ESRRG: variants seen among roughly 807,000 people sequenced by gnomAD.
The protein encoded by ESRRG is estrogen related receptor gamma.
ESRRG carries 13 observed loss-of-function variants against 44.0 expected under a neutral mutation model. The observed-to-expected ratio is 0.30, with a 90% CI of 0.19 to 0.47. The LOEUF (loss-of-function observed/expected upper bound fraction) is 0.47. Among genes scored for constraint, ESRRG ranks in the 20% least tolerant of loss-of-function variants. The pLI, the probability that ESRRG is intolerant of heterozygous loss-of-function variation, is 1.00. For synonymous variants in ESRRG, 215 were observed against 214.6 expected (o/e 1.00, Z -0.02); for missense variants, 395 against 580.6 (o/e 0.68, Z 3.29).
intron 1 of ESRRG, among the ~76,000 whole-genome samples, chr1:217,020,327 T>G (rs1217676772): frequency 2.6e-5 from 4 of 152,212 alleles, no homozygotes; most frequent in Admixed American, 1.3e-4. Flanking sequence ...TACTCACTTG[T>G]CCATCAGACA....
At chr1:216,536,237 C>T (rs963766374) in intron 5 of ESRRG, among the ~76,000 whole-genome samples, 4 of 152,110 alleles carry the variant, frequency 2.6e-5, no homozygotes, top group Admixed American at 2.6e-4. Context: ...ACCCCCTTCT[C>T]CCCAAAGAGC....
At chr1:216,830,071 C>T (rs2095462624) in intron 2 of ESRRG, among the ~76,000 whole-genome samples, 1 of 152,146 alleles carries the variant, frequency 6.6e-6, no homozygotes, top group Non-Finnish European at 1.5e-5. Context: ...TATTAACATC[C>T]TCTCCCTGCT....
intron 2 of ESRRG, among the ~76,000 whole-genome samples, chr1:216,914,434 A>T (rs1166562302): frequency 6.6e-6 from 1 of 152,202 alleles, no homozygotes; most frequent in Non-Finnish European, 1.5e-5. Context: ...TAAGTTAAAC[A>T]CATTGCTAAG....
chr1:216,556,229 A>G (rs2057528220), intron 5 of ESRRG, among the ~76,000 whole-genome samples: 3 of 152,116 alleles, frequency 2.0e-5, no homozygotes, highest in Admixed American at 6.5e-5. Flanking sequence ...AGTGCCAGAA[A>G]AAAAAAATAT....
At chr1:217,112,246 G>C (rs909582785) in intron 1 of ESRRG, among the ~76,000 whole-genome samples, 1 of 152,140 alleles carries the variant, frequency 6.6e-6, no homozygotes, top group Admixed American at 6.5e-5. Flanking sequence ...TTTTCACATA[G>C]CCATGTATAA....
intron 2 of ESRRG, among the ~76,000 whole-genome samples, chr1:216,907,991 TAAG>T (rs145154493): frequency 0.089 from 13,476 of 152,218 alleles, 885 homozygotes; most frequent in East Asian, 0.2. Flanking sequence ...AATAAAATCT[TAAG>T]AAGAATAATA....
chr1:216,927,376 G>C (rs574421933), intron 2 of ESRRG, among the ~76,000 whole-genome samples: 1 of 152,128 alleles, frequency 6.6e-6, no homozygotes, highest in African/African-American at 2.4e-5. Context: ...CCACCCTGAA[G>C]GGCAAGGGTT....
chr1:217,127,804 A>G (rs2092911285), intron 1 of ESRRG, among the ~76,000 whole-genome samples: 1 of 152,238 alleles, frequency 6.6e-6, no homozygotes, highest in South Asian at 2.1e-4. Flanking sequence ...TCTTGGGAGA[A>G]TATCTGGTAG....
chr1:217,124,610 T>C (rs1393621184), intron 1 of ESRRG, among the ~76,000 whole-genome samples: 6 of 152,212 alleles, frequency 3.9e-5, no homozygotes, highest in African/African-American at 1.2e-4. Context: ...ATCCATCAGA[T>C]GAATACACCA....
chr1:216,611,772 T>A (rs542880695), intron 3 of ESRRG, among the ~76,000 whole-genome samples: 8 of 151,210 alleles, frequency 5.3e-5, no homozygotes, highest in Admixed American at 2.6e-4. Context: ...AAAAAAAAAA[T>A]TCCTATGGGA....
intron 3 of ESRRG, among the ~76,000 whole-genome samples, chr1:216,621,401 T>C (rs1451647666): frequency 6.6e-6 from 1 of 152,144 alleles, no homozygotes; most frequent in East Asian, 1.9e-4. Context: ...ATACATTGAA[T>C]CAAAAGATGA....
chr1:217,117,043 G>A (rs72743323), intron 1 of ESRRG, among the ~76,000 whole-genome samples: 56,030 of 151,956 alleles, frequency 0.37, 11,764 homozygotes, highest in East Asian at 0.59. Flanking sequence ...CCACATTGAT[G>A]ATAGTTATTA....
chr1:216,763,522 C>G (rs940016486), intron 2 of ESRRG, among the ~76,000 whole-genome samples: 15 of 152,098 alleles, frequency 9.9e-5, no homozygotes, highest in African/African-American at 3.4e-4. Context: ...AAAGAGAAAC[C>G]TGAAAATAAA....
intron 2 of ESRRG, among the ~76,000 whole-genome samples, chr1:216,670,072 A>T (rs566016052): frequency 1.3e-5 from 2 of 152,196 alleles, no homozygotes; most frequent in Admixed American, 6.5e-5. Flanking sequence ...TAAAGCTACC[A>T]ATTACTATAA....
chr1:216,763,219 A>C (rs1339349), intron 2 of ESRRG, among the ~76,000 whole-genome samples: 85,465 of 151,892 alleles, frequency 0.56, 25,540 homozygotes, highest in African/African-American at 0.76. Flanking sequence ...TTTTCATATA[A>C]TATTTAATAA....
At chr1:216,643,358 C>T (rs2066847538) in intron 3 of ESRRG, among the ~76,000 whole-genome samples, 1 of 152,140 alleles carries the variant, frequency 6.6e-6, no homozygotes. Flanking sequence ...AACTAATTCC[C>T]TAATGTAAAA....
chr1:217,043,647 T>C (rs1233549320), intron 1 of ESRRG, among the ~76,000 whole-genome samples: 2 of 5,118 alleles, frequency 3.9e-4, no homozygotes, highest in South Asian at 0.021. Context: ...AGGCAAAGAA[T>C]AATGGGGATT....
intron 3 of ESRRG, among the ~76,000 whole-genome samples, chr1:216,584,521 G>T (rs1032725280): frequency 1.3e-5 from 2 of 152,098 alleles, no homozygotes; most frequent in African/African-American, 4.8e-5. Context: ...CTCCCAAAGT[G>T]CTGGGATTAC....
upstream of ESRRG, chr1:217,090,375 C>T (rs2092318585): frequency 6.6e-6 from 1 of 152,038 alleles, no homozygotes; most frequent in African/African-American, 2.4e-5. Flanking sequence ...GCTAGGGATC[C>T]CAAACCTACC....
Sources: allele counts gnomAD v4.1 joint callset (sites outside exome capture counted in the v4.1 genomes callset), GRCh38; gene constraint gnomAD v4.1.1; transcripts MANE v1.5; gene names NCBI Gene and HGNC (gene_info 2026-07-23, HGNC 2026-07-21).